The following CFAP54 variants were observed in gnomAD, a reference collection of about 807,000 sequenced individuals.
CFAP54 encodes cilia and flagella associated protein 54, also known as cilia- and flagella-associated protein 54.
In CFAP54, 290 loss-of-function variants were observed where a neutral mutation model predicts 370.4. The observed-to-expected ratio is 0.78, with a 90% CI of 0.71 to 0.86. The LOEUF (loss-of-function observed/expected upper bound fraction) is 0.86, where lower values mean the gene tolerates loss of function less well. Ranked by LOEUF, CFAP54 falls within the 40% of genes least tolerant of loss-of-function variation. The pLI, the probability that CFAP54 is intolerant of heterozygous loss-of-function variation, is 0.00. For missense variants in CFAP54, 3,399 were observed against 3,528.7 expected (o/e 0.96, Z 0.93); for synonymous variants, 1,206 against 1,236.5 (o/e 0.98, Z 0.52).
intron 66 of CFAP54, among the ~76,000 whole-genome samples, chr12:96,850,465 C>T (rs961172507): frequency 3.3e-5 from 5 of 151,922 alleles, no homozygotes; most frequent in Non-Finnish European, 7.4e-5. Context: ...ACAGACATCG[C>T]GGGAGGGAAC....
chr12:96,793,182 C>T (rs370620162), intron 63 of CFAP54, among the ~76,000 whole-genome samples: 2 of 152,050 alleles, frequency 1.3e-5, no homozygotes, highest in Non-Finnish European at 2.9e-5. Flanking sequence ...CCCTGCCTCA[C>T]CCCTGCTCCA....
chr12:96,842,916 C>T (rs1157490276), intron 66 of CFAP54, among the ~76,000 whole-genome samples: 1 of 152,172 alleles, frequency 6.6e-6, no homozygotes, highest in African/African-American at 2.4e-5. Flanking sequence ...ATAGATTTTA[C>T]TAGAGTTGCT....
intron 62 of CFAP54, among the ~76,000 whole-genome samples, chr12:96,788,272 G>A (rs1958648520): frequency 6.6e-6 from 1 of 152,160 alleles, no homozygotes. Flanking sequence ...GACATCATTA[G>A]CACATACAGG....
chr12:96,507,069 C>T lies in CFAP54; in HGVS notation c.709C>T (p.Gln237Ter). 6.5e-7 allele frequency: 1 copy of T among 1,533,556 alleles called. No homozygotes were observed. Among genetic ancestry groups the T allele is most frequent in the Non-Finnish European group, 8.7e-7 (1 of 1,146,142 alleles). 95.0% of individuals were successfully genotyped at this position (1,533,556 alleles called of 1,614,324 possible). A position where few individuals can be genotyped will look rare whatever the true frequency, so the allele number is the denominator to read the frequency against. Reference protein sequence around the residue: ...LRLIMQVALPQEHLCWIIFNG... With the variant: ...LRLIMQVALP ...GCTCATCATGCAAGTGGCTCTGCCA[C>T]AAGAGCATCTTTGCTGGATTATCTT... Residue 237 changes from glutamine to a stop codon, truncating the protein, a stop_gained, in exon 4 of 68, where the codon CAA (glutamine) becomes TAA (stop). Transcript: ENST00000524981. LOFTEE classifies it high-confidence loss of function.
chr12:96,543,688 A>G (rs994575129), intron 14 of CFAP54, among the ~76,000 whole-genome samples: 3 of 152,124 alleles, frequency 2.0e-5, no homozygotes, highest in Non-Finnish European at 4.4e-5. Context: ...CTTTTACTAG[A>G]TGCATGAAAG....
chr12:96,707,158 C>A lies in CFAP54; in HGVS notation c.6529-1450C>A, dbSNP rs563232278. Among the ~76,000 whole-genome samples the A allele has an allele frequency of 1.4e-4, 22 of 152,082 alleles. No individual in the cohort carries two copies. In the East Asian group the frequency reaches 4.1e-3, roughly 28 times the overall value. ...GAAGGAAACTAAGGGAGTGTGGTGG[C>A]CTGAAAGCCAAGAGGAGAAAGCGTG... On this transcript the variant is annotated intron_variant, in intron 47 of 67. Coordinates refer to ENST00000524981, the MANE Select transcript of CFAP54 (RefSeq NM_001306084.2).
At chr12:96,808,757 T>C (rs1305302872) in intron 63 of CFAP54, among the ~76,000 whole-genome samples, 1 of 152,148 alleles carries the variant, frequency 6.6e-6, no homozygotes, top group Non-Finnish European at 1.5e-5. Flanking sequence ...GACCAGATGT[T>C]ATAGGCTGCT....
chr12:96,585,128 G>A (rs1956065457), intron 22 of CFAP54, among the ~76,000 whole-genome samples: 1 of 151,204 alleles, frequency 6.6e-6, no homozygotes, highest in Admixed American at 6.6e-5. Context: ...ACTGACTTGT[G>A]ACTTGTTTTT....
At chr12:96,534,355 T>G in intron 11 of CFAP54, 128 bp downstream of exon 11, 1 of 595,836 alleles carries the variant, frequency 1.7e-6, no homozygotes, top group South Asian at 2.5e-5. Flanking sequence ...CAAGAGTGTG[T>G]TTGGTGATTG....
intron 60 of CFAP54, among the ~76,000 whole-genome samples, chr12:96,776,129 A>C (rs1958516549): frequency 6.6e-6 from 1 of 152,112 alleles, no homozygotes; most frequent in South Asian, 2.1e-4. Flanking sequence ...CTATTAGCCA[A>C]CTTTTTCAGG....
chr12:96,870,931 A>G (rs1960144058), intron 67 of CFAP54, among the ~76,000 whole-genome samples: 1 of 152,218 alleles, frequency 6.6e-6, no homozygotes, highest in Non-Finnish European at 1.5e-5. Context: ...TAAACAGCCT[A>G]TTCTCTGAGG....
intron 46 of CFAP54, among the ~76,000 whole-genome samples, chr12:96,702,710 C>T (rs926635625): frequency 3.9e-5 from 6 of 152,138 alleles, no homozygotes; most frequent in Non-Finnish European, 8.8e-5. Context: ...TAATTTGCAG[C>T]TTTCGAGCTT....
chr12:96,575,271 G>A (rs1955963360), intron 19 of CFAP54, among the ~76,000 whole-genome samples: 1 of 152,026 alleles, frequency 6.6e-6, no homozygotes, highest in African/African-American at 2.4e-5. Context: ...GTGTATATAA[G>A]TGCTGAATAC....
At chr12:96,845,739 G>T (rs1959324743) in intron 66 of CFAP54, among the ~76,000 whole-genome samples, 1 of 152,178 alleles carries the variant, frequency 6.6e-6, no homozygotes, top group Non-Finnish European at 1.5e-5. Context: ...TGACAGCTAA[G>T]TTCCATGTCA....
rs71437221 is a variant in CFAP54, at chr12:96,515,912, G to GTTTT, written c.798+2886_798+2889dup. ...AGAAAGGTGCTGTCATTACCTCTAT[G>GTTTT]TTTTTTTTTTTTTTTTTTTTTGATA... On this transcript the variant is annotated intron_variant, in intron 5 of 67. Transcript: ENST00000524981. Among the ~76,000 whole-genome samples, 80 of 108,222 alleles carry GTTTT rather than the reference G, an allele frequency of 7.4e-4. 1 individual carries two copies. The highest frequency in any genetic ancestry group is 1.2e-3 in the African/African-American group (33 of 26,764). The allele number at this position is 108,222 out of a possible 152,430, so 71.0% of individuals were successfully genotyped here.
chr12:96,551,606 A>AT (rs1230620636), intron 15 of CFAP54, among the ~76,000 whole-genome samples: 1 of 152,124 alleles, frequency 6.6e-6, no homozygotes, highest in African/African-American at 2.4e-5. Context: ...AATGCAATAC[A>AT]TTGCATTAGC....
At chr12:96,514,813 A>T (rs1182207514) in intron 5 of CFAP54, among the ~76,000 whole-genome samples, 2 of 152,136 alleles carry the variant, frequency 1.3e-5, no homozygotes, top group African/African-American at 4.8e-5. Context: ...TGCCATGCTG[A>T]TTAAATAGGT....
chr12:96,813,429 C>G (rs1381243217), intron 64 of CFAP54, among the ~76,000 whole-genome samples: 1 of 152,118 alleles, frequency 6.6e-6, no homozygotes. Flanking sequence ...AGGAGTAAAA[C>G]AGGTCAGAAA....
Position 96,651,719 on chromosome 12 carries a change from A to C in CFAP54, c.5004A>C (p.Gln1668His). The part of the protein sequence containing the change: ...VDLDKTFPIS[Q>H]DGFLCTSVLP... ...TTGATAAAACATTTCCTATTAGCCA[A>C]GATGGTTTCCTCTGCACCTCTGTTT... Residue 1668 changes from glutamine (Q) to histidine (H), a missense_variant, in exon 36 of 68, where the codon CAA becomes CAC. Physicochemically the swap from Gln to His is conservative, Grantham distance 24. Coordinates refer to ENST00000524981, the MANE Select transcript of CFAP54 (RefSeq NM_001306084.2). The C allele has an allele frequency of 6.2e-7, 1 of 1,614,020 alleles. No individual in the cohort carries two copies. The highest frequency in any genetic ancestry group is 8.5e-7 in the Non-Finnish European group (1 of 1,179,878).
Sources: allele counts gnomAD v4.1 joint callset (sites outside exome capture counted in the v4.1 genomes callset), GRCh38; gene constraint gnomAD v4.1.1; transcripts MANE v1.5; gene names NCBI Gene and HGNC (gene_info 2026-07-23, HGNC 2026-07-21).